The following TENM2 variants were observed in gnomAD, a reference collection of about 807,000 sequenced individuals.
The protein encoded by TENM2 is teneurin transmembrane protein 2.
In TENM2, 52 loss-of-function variants were observed where a neutral mutation model predicts 245.2. The ratio of observed to expected loss-of-function variants is 0.21; its 90% CI spans 0.17 to 0.27. TENM2 has a LOEUF of 0.27. Among genes scored for constraint, TENM2 ranks in the 10% least tolerant of loss-of-function variants. TENM2 has a pLI of 1.00. For synonymous variants in TENM2, 1,363 were observed against 1,438.9 expected, an observed-to-expected ratio of 0.95 and a Z score of 1.19; for missense variants, 3,046 against 3,666.8, an observed-to-expected ratio of 0.83 and a Z score of 4.37.
At chr5:167,204,398 A>C in the TENM2 span, among the ~76,000 whole-genome samples, 1 of 152,216 alleles carries the variant, frequency 6.6e-6, no homozygotes, top group African/African-American at 2.4e-5. Context: ...ACCACAGTGG[A>C]GCAAGAAGGA....
At chr5:168,067,304 A>G (rs576218211) in intron 7 of TENM2, among the ~76,000 whole-genome samples, 16 of 152,284 alleles carry the variant, frequency 1.1e-4, no homozygotes, top group African/African-American at 3.8e-4. Context: ...GCTGAGAGGT[A>G]TCTATGGGAT....
intron 2 of TENM2, among the ~76,000 whole-genome samples, chr5:167,452,950 T>TATATATATATTTTTTTTTTTTTTAA (rs1554157769): frequency 4.0e-5 from 4 of 99,630 alleles, no homozygotes; most frequent in African/African-American, 1.4e-4. Flanking sequence ...TATATATATA[T>TATATATATATTTTTTTTTTTTTTAA]ATATATATAT....
chr5:168,147,737 A>G (rs977975657), intron 12 of TENM2, among the ~76,000 whole-genome samples: 26 of 152,216 alleles, frequency 1.7e-4, no homozygotes, highest in African/African-American at 1.4e-4. Context: ...TGCATGTGCC[A>G]TTAATCAAGC....
intron 3 of TENM2, among the ~76,000 whole-genome samples, chr5:167,878,978 A>G (rs1369121536): frequency 6.6e-6 from 1 of 152,184 alleles, no homozygotes; most frequent in Admixed American, 6.5e-5. Flanking sequence ...CCCATACACG[A>G]CAGTAAAACA....
At chr5:167,725,093 G>A (rs1017474957) in intron 2 of TENM2, among the ~76,000 whole-genome samples, 3 of 152,124 alleles carry the variant, frequency 2.0e-5, no homozygotes, top group African/African-American at 7.2e-5. Context: ...TGGTATGCTT[G>A]TGCTAATTTA....
chr5:167,483,705 T>G (rs775453470), intron 2 of TENM2, among the ~76,000 whole-genome samples: 3 of 152,232 alleles, frequency 2.0e-5, no homozygotes, highest in Non-Finnish European at 4.4e-5. Context: ...ACAAATAAAC[T>G]GTCTCAAAAT....
chr5:168,108,884 C>A (rs115570310), intron 9 of TENM2, among the ~76,000 whole-genome samples: 1 of 152,264 alleles, frequency 6.6e-6, no homozygotes, highest in African/African-American at 2.4e-5. Context: ...AGCTCTTAGT[C>A]CCCTCCCTGA....
At chr5:168,148,901 A>AGATT (rs1419931266) in intron 12 of TENM2, among the ~76,000 whole-genome samples, 2 of 135,852 alleles carry the variant, frequency 1.5e-5, no homozygotes, top group Non-Finnish European at 3.3e-5. Flanking sequence ...ATAGATAGAT[A>AGATT]GATAGATAGA....
At chr5:167,245,054 G>A in the TENM2 span, among the ~76,000 whole-genome samples, 2 of 151,950 alleles carry the variant, frequency 1.3e-5, no homozygotes, top group African/African-American at 4.8e-5. Context: ...GTTCTATTCC[G>A]GTGTCTAATT....
At chr5:167,812,252 G>T (rs922328670) in intron 2 of TENM2, among the ~76,000 whole-genome samples, 2 of 152,172 alleles carry the variant, frequency 1.3e-5, no homozygotes, top group South Asian at 4.1e-4. Flanking sequence ...TGAAGGCTTT[G>T]TCTGGAGCCG....
chr5:167,324,183 C>A, intron 1 of TENM2, among the ~76,000 whole-genome samples: 1 of 152,176 alleles, frequency 6.6e-6, no homozygotes, highest in Non-Finnish European at 1.5e-5. Flanking sequence ...ATTGTAGAAG[C>A]TCAATCAATG....
the TENM2 span, among the ~76,000 whole-genome samples, chr5:167,152,565 A>T: frequency 6.6e-5 from 10 of 152,140 alleles, no homozygotes; most frequent in East Asian, 7.7e-4. Context: ...GGATAAATAG[A>T]TGTATATTTG....
intron 2 of TENM2, among the ~76,000 whole-genome samples, chr5:167,411,666 T>C (rs1167595411): frequency 6.6e-6 from 1 of 151,842 alleles, no homozygotes; most frequent in Non-Finnish European, 1.5e-5. Flanking sequence ...GCTTAAAATA[T>C]CTCTACAGGA....
At chr5:167,727,567 A>G (rs1760114997) in intron 2 of TENM2, among the ~76,000 whole-genome samples, 1 of 152,234 alleles carries the variant, frequency 6.6e-6, no homozygotes. Flanking sequence ...TAACGTAGAT[A>G]TATTTGTTCA....
chr5:167,335,118 C>G (rs1049432147), intron 1 of TENM2, among the ~76,000 whole-genome samples: 2 of 152,170 alleles, frequency 1.3e-5, no homozygotes, highest in African/African-American at 2.4e-5. Context: ...GTAGGCTGTA[C>G]AGGCAGCATG....
intron 2 of TENM2, among the ~76,000 whole-genome samples, chr5:167,782,181 C>T (rs1013500037): frequency 1.3e-5 from 2 of 150,996 alleles, no homozygotes; most frequent in African/African-American, 4.9e-5. Context: ...GGCATGGTAG[C>T]GCATGCCTGT....
intron 1 of TENM2, among the ~76,000 whole-genome samples, chr5:167,364,705 T>A (rs1348545189): frequency 6.6e-6 from 1 of 151,970 alleles, no homozygotes; most frequent in African/African-American, 2.4e-5. Flanking sequence ...TCACGAGAAT[T>A]ACAAGAGAAA....
intron 2 of TENM2, among the ~76,000 whole-genome samples, chr5:167,621,473 G>A (rs193161893): frequency 1.3e-5 from 2 of 152,212 alleles, no homozygotes; most frequent in Admixed American, 6.5e-5. Flanking sequence ...TCCAGGGAAA[G>A]GTAGGGAGGG....
intron 2 of TENM2, among the ~76,000 whole-genome samples, chr5:167,859,377 GT>G (rs1771454486): frequency 6.8e-6 from 1 of 146,510 alleles, no homozygotes; most frequent in African/African-American, 2.5e-5. Context: ...CGGGAGGGAG[GT>G]GGGGGGGGTC....
Sources: gnomAD v4.1 joint callset for allele counts (sites outside exome capture counted in the v4.1 genomes callset) on GRCh38, gnomAD v4.1.1 for gene constraint, MANE v1.5 for transcripts, NCBI Gene and HGNC (gene_info 2026-07-23, HGNC 2026-07-21) for gene names.